The following TTN variants were observed in gnomAD, a reference collection of about 807,000 sequenced individuals.
The protein encoded by TTN is titin, also known as connectin.
A neutral mutation model predicts 3,223.0 loss-of-function variants in TTN; 1,525 were observed. The ratio of observed to expected loss-of-function variants is 0.47; its 90% CI spans 0.45 to 0.49. The LOEUF (loss-of-function observed/expected upper bound fraction) is 0.49. TTN is among the 20% of genes least tolerant of loss of function. The probability of loss-of-function intolerance (pLI) is 0.00; values close to 1 mark genes in which losing one functional copy is unlikely to be tolerated. For missense variants in TTN, 40,786 were observed against 43,424.0 expected, an observed-to-expected ratio of 0.94 and a Z score of 5.40; for synonymous variants, 14,094 against 15,161.0, an observed-to-expected ratio of 0.93 and a Z score of 5.17.
intron 13 of TTN, among the ~76,000 whole-genome samples, chr2:178,788,120 G>T (rs1320178001): frequency 6.6e-6 from 1 of 152,092 alleles, no homozygotes; most frequent in Non-Finnish European, 1.5e-5. Flanking sequence ...CGGATGAAAA[G>T]TTATGAGAGT....
Position 178,599,036 on chromosome 2 carries a change from T to G in TTN, c.56674A>C (p.Thr18892Pro), listed in dbSNP as rs780258242. Residue 18892 changes from threonine to proline, a missense_variant, in exon 291 of 363, where the codon ACA becomes CCA. Coordinates refer to ENST00000589042, the MANE Select transcript of TTN (RefSeq NM_001267550.2). ...GAGTTACGAGTCACGCTGCTAACTG[T>G]TGGTTTATCTGGTGCTCCAGGGACA... ...FSVPGAPDKP[T>P]VSSVTRNSMT... 10 of 1,578,896 alleles carry G rather than the reference T, an allele frequency of 6.3e-6. No individual in the cohort carries two copies. The Admixed American group carries it at 7.4e-5, about 12-fold the overall frequency.
At position 178,609,527 on chromosome 2, in the gene TTN, T is replaced by G; in HGVS notation, c.51783A>C (p.Arg17261=). ...VILRTSLEVK[R]GDEIALDASI... ...TTGCATCAAGTGCTATTTCATCACCTCGTTTCACTTCTAGGCTTGTTCTCA... is the reference window on the plus strand; with the variant it reads ...TTGCATCAAGTGCTATTTCATCACCGCGTTTCACTTCTAGGCTTGTTCTCA... Residue 17261 remains arginine (R), a synonymous_variant, in exon 273 of 363, where the codon CGA becomes CGC. Transcript: ENST00000589042. 6.2e-7 allele frequency: 1 copy of G among 1,612,328 alleles called. No individual in the cohort carries two copies. Among genetic ancestry groups the G allele is most frequent in the African/African-American group, 1.3e-5 (1 of 74,954 alleles).
intron 2 of TTN, among the ~76,000 whole-genome samples, chr2:178,802,970 C>T (rs756903357): frequency 1.3e-5 from 2 of 152,160 alleles, no homozygotes; most frequent in South Asian, 4.1e-4. Flanking sequence ...ATTGGAATTG[C>T]AGGTAGAAAG....
rs984799615 is a variant in TTN at position 178,569,237 on chromosome 2, T to G, written c.76895A>C (p.Lys25632Thr). ...WEPPLLDGGS[K>T]IKNYIVEKRE... ...TTTCTCAACAATGTAATTTTTTATT[T>G]TGGATCCCCCATCCAACAAAGGAGG... Residue 25632 changes from lysine (K) to threonine (T), a missense_variant, in exon 326 of 363, where the codon AAA (lysine) becomes ACA (threonine). By Grantham distance (78) the Lys-to-Thr change is moderately conservative (BLOSUM62 -1). Transcript: ENST00000589042. 2.5e-6 allele frequency: 4 copies of G among 1,603,410 alleles called. No individual in the cohort carries two copies. The African/African-American group carries it at 5.4e-5, about 22-fold the overall frequency.
At chr2:178,788,478 G>C (rs760412045) in intron 13 of TTN, among the ~76,000 whole-genome samples, 4 of 151,974 alleles carry the variant, frequency 2.6e-5, no homozygotes, top group Non-Finnish European at 5.9e-5. Context: ...TGTTAGATTT[G>C]AGTAAAGGTT....
chr2:178,709,165 CTG>C (rs1205713224), intron 99 of TTN, among the ~76,000 whole-genome samples: 2 of 152,078 alleles, frequency 1.3e-5, no homozygotes, highest in African/African-American at 4.8e-5. Flanking sequence ...AAGTTTCAGA[CTG>C]TGATATAATA....
Position 178,675,932 on chromosome 2 carries a change from G to A in TTN, c.34442C>T (p.Pro11481Leu), listed in dbSNP as rs1165445610. 3 of 1,607,794 alleles carry A rather than the reference G, an allele frequency of 1.9e-6. No homozygotes were observed. Among genetic ancestry groups the A allele is most frequent in the East Asian group, 2.2e-5 (1 of 44,780 alleles). ...KVVIPKKEEA[P>L]PAKVSVVPKK... is the part of the protein sequence containing the mutation. ...CGGAATAGCAATACCTTTGGCAGGG[G>A]GAGCCTCCTCTTTCTTGGGAATGAC... is the stretch of plus-strand genomic sequence containing the variant. The change falls in exon 148 of 363, where the codon CCC (proline) becomes CTC (leucine). Residue 11481 changes from proline to leucine, a missense_variant. Pro to Leu is a moderately conservative substitution (Grantham distance 98). Coordinates refer to ENST00000589042, the MANE Select transcript of TTN (RefSeq NM_001267550.2).
At chr2:178,691,940 G>T in intron 121 of TTN, 76 bp downstream of exon 121, 1 of 1,231,918 alleles carries the variant, frequency 8.1e-7, no homozygotes, top group Non-Finnish European at 1.2e-6. Context: ...AGGCAGCATA[G>T]TACATATGAA....
At chr2:178,750,461 T>C in intron 47 of TTN, 7 of 1,612,990 alleles carry the variant, frequency 4.3e-6, no homozygotes, top group Non-Finnish European at 5.9e-6. Flanking sequence ...TGGCATGTCA[T>C]TGTTATACCA....
intron 315 of TTN, 39 bp downstream of exon 315, chr2:178,581,867 T>G: frequency 6.2e-7 from 1 of 1,606,908 alleles, no homozygotes; most frequent in Non-Finnish European, 8.5e-7. Context: ...TTAATGCTGC[T>G]TTTAACACAG....
At chr2:178,616,420 C>A (rs949542053) in intron 257 of TTN, 59 bp downstream of exon 257, 2 of 1,594,410 alleles carry the variant, frequency 1.3e-6, no homozygotes, top group African/African-American at 2.7e-5. Context: ...GCATCCCAAC[C>A]TTCTGGGATT....
chr2:178,698,738 T>G, intron 112 of TTN, 105 bp downstream of exon 112: 2 of 1,083,400 alleles, frequency 1.8e-6, no homozygotes, highest in Non-Finnish European at 2.6e-6. Context: ...AGGTACCATT[T>G]TGTGATTGCA....
rs761542532 is a variant in TTN at position 178,709,771 on chromosome 2, A to G, written c.28548T>C (p.Arg9516=). ...CAGTTATAGGTTGGGAACCAGCCAC[A>G]CGTCCCTCAAGTTTGAAAGAATTCC... ...TEGNSFKLEG[R]VAGSQPITVA... is the part of the protein sequence containing the mutation. The change falls in exon 99 of 363, where the codon CGT becomes CGC. Residue 9516 remains arginine (R), a synonymous_variant. Coordinates refer to ENST00000589042, the MANE Select transcript of TTN (RefSeq NM_001267550.2). 5 of 1,613,858 alleles carry G rather than the reference A, an allele frequency of 3.1e-6. No individual in the cohort carries two copies. In the East Asian group the frequency reaches 6.7e-5, roughly 22 times the overall value.
Position 178,594,077 on chromosome 2 carries a change from G to A in TTN, c.58316C>T (p.Pro19439Leu). 4 of 1,613,386 alleles carry A rather than the reference G, an allele frequency of 2.5e-6. No homozygotes were observed. The highest frequency in any genetic ancestry group is 3.4e-6 in the Non-Finnish European group (4 of 1,179,634). ...EDDRTHIKTT[P>L]ATLALEKIKA... is the part of the protein sequence containing the mutation. Reference sequence around the variant, plus strand: ...GATCTTCTCTAAAGCAAGTGTTGCTGGTGTAGTCTTTATATGAGTGCGATC... The same window carrying A: ...GATCTTCTCTAAAGCAAGTGTTGCTAGTGTAGTCTTTATATGAGTGCGATC... The change falls in exon 297 of 363, where the codon CCA (proline) becomes CTA (leucine). Residue 19439 changes from proline (P) to leucine (L), a missense_variant. Coordinates refer to ENST00000589042, the MANE Select transcript of TTN (RefSeq NM_001267550.2).
In TTN at chr2:178,605,023, C is replaced by T; in HGVS notation, c.54154G>A (p.Gly18052Ser). Residue 18052 changes from glycine to serine, a missense_variant, in exon 280 of 363, where the codon GGC (glycine) becomes AGC (serine). Transcript: ENST00000589042. Reference sequence around the variant, plus strand: ...ACGTGAACATTTCGGAACACTGAGCCAAGGCGATTGGAAGCAGTAACTGTG... The same window carrying T: ...ACGTGAACATTTCGGAACACTGAGCTAAGGCGATTGGAAGCAGTAACTGTG... ...TYTVTASNRL[G>S]SVFRNVHVEV... 6.2e-7 allele frequency: 1 copy of T among 1,605,342 alleles called. No individual in the cohort carries two copies. The highest frequency in any genetic ancestry group is 8.5e-7 in the Non-Finnish European group (1 of 1,174,746).
chr2:178,707,852 C>T, intron 99 of TTN, 39 bp from the exon 100 acceptor site: 2 of 1,523,686 alleles, frequency 1.3e-6, no homozygotes, highest in Non-Finnish European at 1.8e-6. Context: ...AACATAAAGG[C>T]AAAAAAGTAT....
In TTN at chr2:178,727,099, T is replaced by C. The variant is rs767498851; in HGVS notation, c.20266A>G (p.Ile6756Val). 1 of 1,534,570 alleles carries C rather than the reference T, an allele frequency of 6.5e-7. No individual in the cohort carries two copies. Among genetic ancestry groups the C allele is most frequent in the Admixed American group, 1.9e-5 (1 of 51,974 alleles). ...AGSTSCSTKV[I>V]VKEPPVFSSF... ...AGAACAAGATGTCTACCTTTTACTA[T>C]AACCTTGGTACTGCAGCTTGTGCTG... Residue 6756 changes from isoleucine (I) to valine (V), a missense_variant, in exon 69 of 363, where the codon ATA becomes GTA. By Grantham distance (29) the Ile-to-Val change is conservative (BLOSUM62 3). Transcript: ENST00000589042.
rs867306848 is a variant in TTN, at chr2:178,566,075, G to A, written c.80057C>T (p.Pro26686Leu). The A allele has an allele frequency of 6.2e-7, 1 of 1,613,482 alleles. No homozygotes were observed. The highest frequency in any genetic ancestry group is 1.3e-5 in the African/African-American group (1 of 74,868). The change falls in exon 326 of 363, where the codon CCA (proline) becomes CTA (leucine). Residue 26686 changes from proline to leucine, a missense_variant. Pro to Leu is a moderately conservative substitution (Grantham distance 98, BLOSUM62 -3). Coordinates refer to ENST00000589042, the MANE Select transcript of TTN (RefSeq NM_001267550.2). ...VTVKVLDTPG[P>L]PQNLAVKEVR... Reference sequence around the variant, plus strand: ...TTCTTTGACTGCCAAATTCTGTGGTGGTCCTGGAGTGTCAAGAACTTTCAC... The same window carrying A: ...TTCTTTGACTGCCAAATTCTGTGGTAGTCCTGGAGTGTCAAGAACTTTCAC...
rs727504702 is a variant in TTN, at chr2:178,578,180, G to T, written c.68335C>A (p.His22779Asn). Residue 22779 changes from histidine (H) to asparagine (N), a missense_variant, in exon 322 of 363, where the codon CAT becomes AAT. Transcript: ENST00000589042. ...KTGGSPITGY[H>N]LEFKERNSLL... is the part of the protein sequence containing the mutation. Reference sequence around the variant, plus strand: ...CTGTTTCTTTCCTTGAACTCGAGATGATACCCTACAAAAGACCCAGGGATG... The same window carrying T: ...CTGTTTCTTTCCTTGAACTCGAGATTATACCCTACAAAAGACCCAGGGATG... 1.9e-6 allele frequency: 3 copies of T among 1,610,756 alleles called. No homozygotes were observed. The highest frequency in any genetic ancestry group is 1.3e-5 in the African/African-American group (1 of 74,814).
Sources: gnomAD v4.1 joint callset for allele counts (sites outside exome capture counted in the v4.1 genomes callset) on GRCh38, gnomAD v4.1.1 for gene constraint, MANE v1.5 for transcripts, NCBI Gene and HGNC (gene_info 2026-07-23, HGNC 2026-07-21) for gene names.